The following EDIL3 variants were observed in gnomAD, a reference collection of about 807,000 sequenced individuals.
The protein encoded by EDIL3 is EGF like and discoidin domains 3.
EDIL3 carries 37 observed loss-of-function variants against 67.4 expected under a neutral mutation model. That is an observed-to-expected ratio of 0.55 (90% CI 0.42 to 0.72). The LOEUF is 0.72. Among genes scored for constraint, EDIL3 ranks in the 30% least tolerant of loss-of-function variants. The pLI is 0.00. For missense variants in EDIL3, 527 were observed against 586.3 expected (o/e 0.90, Z 1.04); for synonymous variants, 195 against 196.3 (o/e 0.99, Z 0.05).
chr5:84,276,475 G>C (rs189754454), intron 1 of EDIL3, among the ~76,000 whole-genome samples: 32 of 151,978 alleles, frequency 2.1e-4, no homozygotes, highest in Admixed American at 1.6e-3. Context: ...ACTTTTAATC[G>C]TTTCCTTCAT....
chr5:84,027,077 G>A (rs1745829464), intron 9 of EDIL3, among the ~76,000 whole-genome samples: 1 of 152,040 alleles, frequency 6.6e-6, no homozygotes, highest in African/African-American at 2.4e-5. Context: ...CCTGGGTGGT[G>A]GGCTGAGACC....
chr5:84,115,183 AG>A (rs150130567), intron 5 of EDIL3, among the ~76,000 whole-genome samples: 46,499 of 151,942 alleles, frequency 0.31, 7,689 homozygotes, highest in Non-Finnish European at 0.37. Context: ...ATATACTGGC[AG>A]GCTTAAAAAT....
At chr5:84,206,964 C>A (rs1743994269) in intron 3 of EDIL3, among the ~76,000 whole-genome samples, 1 of 152,282 alleles carries the variant, frequency 6.6e-6, no homozygotes, top group East Asian at 1.9e-4. Flanking sequence ...AAACTGGAAG[C>A]CTTCCCTTTG....
intron 2 of EDIL3, among the ~76,000 whole-genome samples, chr5:84,236,206 A>ATTT: frequency 6.6e-6 from 1 of 152,204 alleles, no homozygotes; most frequent in Non-Finnish European, 1.5e-5. Context: ...ACTAAACTGA[A>ATTT]CAAAAACACG....
chr5:84,014,441 T>C (rs1318556888), intron 9 of EDIL3, among the ~76,000 whole-genome samples: 2 of 152,128 alleles, frequency 1.3e-5, no homozygotes, highest in African/African-American at 4.8e-5. Context: ...ACTCAGGAGT[T>C]TGAGACCAGC....
chr5:84,267,148 G>T (rs1745367044), intron 1 of EDIL3, among the ~76,000 whole-genome samples: 1 of 152,148 alleles, frequency 6.6e-6, no homozygotes, highest in South Asian at 2.1e-4. Flanking sequence ...CTTGCCTTTA[G>T]TCTTCACTTT....
At chr5:84,361,256 G>C in intron 1 of EDIL3, among the ~76,000 whole-genome samples, 1 of 140,308 alleles carries the variant, frequency 7.1e-6, no homozygotes, top group South Asian at 2.3e-4. Context: ...ACCATTCTAG[G>C]TTAAGGTCAT....
intron 9 of EDIL3, among the ~76,000 whole-genome samples, chr5:84,043,183 C>T (rs1746162206): frequency 6.6e-6 from 1 of 152,172 alleles, no homozygotes; most frequent in Admixed American, 6.5e-5. Context: ...TTGTAAACTT[C>T]TTTGAGGAAC....
At chr5:84,319,463 C>CA (rs55881777) in intron 1 of EDIL3, among the ~76,000 whole-genome samples, 868 of 9,836 alleles carry the variant, frequency 0.088, 99 homozygotes, top group Non-Finnish European at 0.11. Context: ...GACTCCGTCT[C>CA]AAAAAAAAAA....
intron 10 of EDIL3, among the ~76,000 whole-genome samples, chr5:83,946,189 A>G (rs1016947004): frequency 6.6e-6 from 1 of 152,026 alleles, no homozygotes; most frequent in African/African-American, 2.4e-5. Context: ...AGACTGATAG[A>G]GAACATTAAA....
chr5:84,287,085 T>C (rs1745820946), intron 1 of EDIL3, among the ~76,000 whole-genome samples: 2 of 152,150 alleles, frequency 1.3e-5, no homozygotes, highest in Non-Finnish European at 2.9e-5. Context: ...AGCCACATAA[T>C]GGGAGATGCA....
At chr5:84,202,004 G>A (rs926944450) in intron 3 of EDIL3, among the ~76,000 whole-genome samples, 6 of 152,098 alleles carry the variant, frequency 3.9e-5, no homozygotes, top group East Asian at 1.9e-4. Context: ...GTCAACATAC[G>A]CAAGAAAAAC....
intron 3 of EDIL3, among the ~76,000 whole-genome samples, chr5:84,212,017 TTCTCTCTCTCCCTTCCTC>T (rs939253245): frequency 1.3e-5 from 2 of 152,178 alleles, no homozygotes; most frequent in African/African-American, 4.8e-5. Context: ...TTTGATTGCG[TTCTCTCTCTCCCTTCCTC>T]TCTCTCTCTC....
intron 9 of EDIL3, among the ~76,000 whole-genome samples, chr5:84,028,011 T>C (rs1745847764): frequency 6.6e-6 from 1 of 152,180 alleles, no homozygotes; most frequent in Non-Finnish European, 1.5e-5. Flanking sequence ...TCTACTACCA[T>C]ATTTTATATG....
intron 5 of EDIL3, among the ~76,000 whole-genome samples, chr5:84,108,802 T>G (rs1747508037): frequency 6.6e-6 from 1 of 152,112 alleles, no homozygotes; most frequent in African/African-American, 2.4e-5. Context: ...GGCAGGGAGA[T>G]CTTTTATTGC....
At chr5:84,251,803 C>A (rs1580399155) in intron 2 of EDIL3, among the ~76,000 whole-genome samples, 1 of 152,170 alleles carries the variant, frequency 6.6e-6, no homozygotes, top group East Asian at 1.9e-4. Context: ...TGTTAGAACA[C>A]CAGCACATGA....
intron 2 of EDIL3, among the ~76,000 whole-genome samples, chr5:84,235,144 T>C (rs1481797427): frequency 6.6e-6 from 1 of 152,162 alleles, no homozygotes; most frequent in Non-Finnish European, 1.5e-5. Flanking sequence ...TTATTATTTG[T>C]TTATCTGTTG....
rs1343600351 is a variant in EDIL3 at position 83,941,437 on chromosome 5, T to A, written c.*1982A>T. On this transcript the variant is annotated 3_prime_UTR_variant, in exon 11 of 11. Transcript: ENST00000296591. The stretch of plus-strand genomic sequence containing the variant: ...TGAAAAACTATATCATCATAAAGCG[T>A]AAGTAATAATCTTAAAAATACACTC... 1 of 151,980 alleles carries A rather than the reference T, an allele frequency of 6.6e-6. No homozygotes were observed. Among genetic ancestry groups the A allele is most frequent in the Non-Finnish European group, 1.5e-5 (1 of 67,900 alleles). The allele number at this position is 151,980 out of a possible 1,614,324, so 9.4% of individuals were successfully genotyped here.
rs185217882 is a variant in EDIL3, at chr5:84,186,485, A to C, written c.227-5964T>G. Among the ~76,000 whole-genome samples the C allele has an allele frequency of 3.3e-3, 501 of 152,132 alleles. 1 individual carries two copies. Among genetic ancestry groups the C allele is most frequent in the African/African-American group, 0.011 (475 of 41,544 alleles). On this transcript the variant is annotated intron_variant, in intron 3 of 10. Transcript: ENST00000296591. ...ATCAGAAAAATATCCTTAGTTATCC[A>C]GTTTGGGTATCTCATTTTTTAAGGT...
Sources: allele counts gnomAD v4.1 joint callset (sites outside exome capture counted in the v4.1 genomes callset), GRCh38; gene constraint gnomAD v4.1.1; transcripts MANE v1.5; gene names NCBI Gene and HGNC (gene_info 2026-07-23, HGNC 2026-07-21).